The following CUX1 variants were observed in gnomAD, a reference collection of about 807,000 sequenced individuals.
CUX1 encodes the protein cut like homeobox 1.
Under a neutral mutation model 158.8 loss-of-function variants are expected in CUX1, and 31 were observed. The ratio of observed to expected loss-of-function variants is 0.20; its 90% CI spans 0.15 to 0.26. CUX1 has a LOEUF of 0.26. CUX1 is among the 10% of genes least tolerant of loss of function. The pLI is 1.00. For missense variants in CUX1, 1,589 were observed against 2,014.6 expected (o/e 0.79, Z 4.04); for synonymous variants, 879 against 862.1 (o/e 1.02, Z -0.34).
chr7:101,886,109 G>A (rs1246970538), intron 1 of CUX1, among the ~76,000 whole-genome samples: 1 of 152,172 alleles, frequency 6.6e-6, no homozygotes, highest in Non-Finnish European at 1.5e-5. Flanking sequence ...TGCTGGCCCT[G>A]AATGTGGGTG....
Position 102,254,365 on chromosome 7 carries a change from G to C in CUX1, c.*5323G>C. Reference sequence around the variant, plus strand: ...GTCTCTTGTCTCTGGCATGGTTTTAGCGTCACTGCGAACACTCCTTTGCAA... The same window carrying C: ...GTCTCTTGTCTCTGGCATGGTTTTACCGTCACTGCGAACACTCCTTTGCAA... On this transcript the variant is annotated 3_prime_UTR_variant, in exon 24 of 24. Transcript: ENST00000292535. 1.0e-6 allele frequency: 1 copy of C among 985,438 alleles called. No individual in the cohort carries two copies. The highest frequency in any genetic ancestry group is 1.2e-6 in the Non-Finnish European group (1 of 829,972). 61.0% of individuals were successfully genotyped at this position (985,438 alleles called of 1,614,324 possible).
At chr7:102,278,657 A>AATAAAAAAATAAAATAT (rs781848717) in intron 18 of CUX1, among the ~76,000 whole-genome samples, 1,992 of 99,008 alleles carry the variant, frequency 0.02, 23 homozygotes, top group Admixed American at 0.045. Context: ...AATAAAATAA[A>AATAAAAAAATAAAATAT]AAAATAAAAT....
intron 8 of CUX1, among the ~76,000 whole-genome samples, chr7:102,142,223 G>C (rs1377984436): frequency 6.6e-6 from 1 of 152,162 alleles, no homozygotes; most frequent in Non-Finnish European, 1.5e-5. Context: ...AATATGATTT[G>C]GCGCATTCTT....
At chr7:102,090,775 T>C (rs1459871195) in intron 4 of CUX1, among the ~76,000 whole-genome samples, 1 of 152,098 alleles carries the variant, frequency 6.6e-6, no homozygotes, top group African/African-American at 2.4e-5. Context: ...TTGGCAAATG[T>C]TTACTCAGAT....
Position 101,916,118 on chromosome 7 carries a change from G to T in CUX1, c.34G>T (p.Glu12Ter). ...TCCTTTCCTGTTTCCCCAACAGAGA[G>T]AACTCGATGCCACCGCAACGGTATT... ...LCVAGARLKR[E>*]LDATATVLAN... The change falls in exon 2 of 24, where the codon GAA becomes TAA. Residue 12 changes from glutamate to a stop codon, truncating the protein, a stop_gained. Coordinates refer to ENST00000292535, the MANE Select transcript of CUX1 (RefSeq NM_181552.4). LOFTEE classifies it high-confidence loss of function. The surrounding 1 kb of genome is among the most constrained non-coding windows in gnomAD (Gnocchi z 4.4). 6.2e-7 allele frequency: 1 copy of T among 1,611,000 alleles called. No homozygotes were observed. Among genetic ancestry groups the T allele is most frequent in the South Asian group, 1.1e-5 (1 of 91,004 alleles).
chr7:102,010,577 G>A (rs1563126245), intron 2 of CUX1, among the ~76,000 whole-genome samples: 1 of 152,110 alleles, frequency 6.6e-6, no homozygotes, highest in Non-Finnish European at 1.5e-5. Context: ...GAAAGGGAAG[G>A]AAGTAGAGAT....
At chr7:102,207,848 G>C (rs1554522110) in intron 20 of CUX1, among the ~76,000 whole-genome samples, 1 of 152,184 alleles carries the variant, frequency 6.6e-6, no homozygotes. Context: ...AAAGAAAAGA[G>C]ATTATCATAT....
chr7:102,234,539 G>C (rs1371463117), intron 22 of CUX1, among the ~76,000 whole-genome samples: 2 of 152,098 alleles, frequency 1.3e-5, no homozygotes, highest in East Asian at 3.9e-4. Flanking sequence ...GTGTTGTGTG[G>C]GTGGCTGATC....
At position 102,250,829 on chromosome 7, in the gene CUX1, A is replaced by C; in HGVS notation, c.*1787A>C. 1.0e-6 allele frequency: 1 copy of C among 985,354 alleles called. No homozygotes were observed. Among genetic ancestry groups the C allele is most frequent in the Non-Finnish European group, 1.2e-6 (1 of 829,934 alleles). 61.0% of individuals were successfully genotyped at this position (985,354 alleles called of 1,614,324 possible). A position where few individuals can be genotyped will look rare whatever the true frequency, so the allele number is the denominator to read the frequency against. On this transcript the variant is annotated 3_prime_UTR_variant, in exon 24 of 24. Transcript: ENST00000292535. ...TTTTATACGTCTGTGTATTTTCTTA[A>C]GTACCTGTGCACACGTAGAGTGCAT...
chr7:101,946,622 G>T (rs1353213813), intron 2 of CUX1, among the ~76,000 whole-genome samples: 1 of 151,658 alleles, frequency 6.6e-6, no homozygotes, highest in East Asian at 1.9e-4. Flanking sequence ...GCTGGCAAAT[G>T]TTGGGTTGGA....
At chr7:102,222,566 G>A (rs1797911455) in intron 20 of CUX1, among the ~76,000 whole-genome samples, 1 of 152,076 alleles carries the variant, frequency 6.6e-6, no homozygotes, top group African/African-American at 2.4e-5. Flanking sequence ...GGTATGAAAT[G>A]TGTTTTGGTT....
chr7:101,958,482 T>TC (rs1554432306), intron 2 of CUX1, among the ~76,000 whole-genome samples: 38 of 136,610 alleles, frequency 2.8e-4, no homozygotes, highest in Admixed American at 9.2e-4. Context: ...TTCTTTTCTT[T>TC]TTTTTTTTTT....
At chr7:101,867,370 G>A (rs760212600) in intron 1 of CUX1, among the ~76,000 whole-genome samples, 2 of 152,192 alleles carry the variant, frequency 1.3e-5, no homozygotes, top group Admixed American at 6.5e-5. Context: ...CATCAAGGGA[G>A]GTGCTCACTC....
intron 2 of CUX1, among the ~76,000 whole-genome samples, chr7:102,007,906 G>A (rs202144): frequency 0.57 from 86,527 of 151,340 alleles, 25,276 homozygotes; most frequent in East Asian, 0.96. Flanking sequence ...CACCACACCC[G>A]GCTAATTTTT....
chr7:101,837,882 ATT>A (rs1794803568), intron 1 of CUX1, among the ~76,000 whole-genome samples: 1 of 149,238 alleles, frequency 6.7e-6, no homozygotes, highest in African/African-American at 2.5e-5. Context: ...CTCAAGTCAA[ATT>A]ATAAGGGTTT....
At position 102,239,471 on chromosome 7, in the gene CUX1, G is replaced by C. The variant is rs782482000; in HGVS notation, c.3774G>C (p.Ala1258=). Residue 1258 remains alanine, a synonymous_variant, in exon 23 of 24, where the codon GCG becomes GCC. Coordinates refer to ENST00000292535, the MANE Select transcript of CUX1 (RefSeq NM_181552.4). ...TGCTGGCTCCGGAGGAGAAGGAGGCGCTGAAACGAGCGTATCAGCAAAAGC... is the reference window on the plus strand; with the variant it reads ...TGCTGGCTCCGGAGGAGAAGGAGGCCCTGAAACGAGCGTATCAGCAAAAGC... ...RVVLAPEEKE[A]LKRAYQQKPY... 7.4e-6 allele frequency: 12 copies of C among 1,614,090 alleles called. 1 individual carries two copies. In the South Asian group the frequency reaches 1.3e-4, roughly 18 times the overall value.
intron 6 of CUX1, among the ~76,000 whole-genome samples, chr7:102,107,278 C>T (rs575861660): frequency 1.3e-5 from 2 of 151,646 alleles, no homozygotes; most frequent in Non-Finnish European, 2.9e-5. Context: ...GTGGCTCACA[C>T]CTGTAATCCC....
intron 9 of CUX1, among the ~76,000 whole-genome samples, chr7:102,159,895 C>G (rs1453346488): frequency 1.3e-5 from 2 of 151,882 alleles, no homozygotes; most frequent in Non-Finnish European, 2.9e-5. Flanking sequence ...ACTACCCAGC[C>G]TTGGGCTGGG....
At chr7:102,266,429 G>C (rs1790818957) in intron 14 of CUX1, among the ~76,000 whole-genome samples, 1 of 151,884 alleles carries the variant, frequency 6.6e-6, no homozygotes, top group Non-Finnish European at 1.5e-5. Flanking sequence ...GACTTGGGGA[G>C]GAAGGGATCA....
Sources: allele counts gnomAD v4.1 joint callset (sites outside exome capture counted in the v4.1 genomes callset), GRCh38; gene constraint gnomAD v4.1.1; non-coding constraint Gnocchi (gnomAD v3.1); transcripts MANE v1.5; gene names NCBI Gene and HGNC (gene_info 2026-07-23, HGNC 2026-07-21).